The following MACF1 variants were observed in gnomAD, a reference collection of about 807,000 sequenced individuals.
MACF1 encodes microtubule actin crosslinking factor 1, also known as microtubule-actin cross-linking factor 1.
Under a neutral mutation model 854.8 loss-of-function variants are expected in MACF1, and 193 were observed. The observed-to-expected ratio is 0.23, with a 90% CI of 0.20 to 0.25. The LOEUF is 0.25. Among genes scored for constraint, MACF1 ranks in the 10% least tolerant of loss-of-function variants. MACF1 has a pLI of 1.00. For missense variants in MACF1, 7,722 were observed against 8,929.1 expected, an observed-to-expected ratio of 0.86 and a Z score of 5.45; for synonymous variants, 3,185 against 3,226.7, an observed-to-expected ratio of 0.99 and a Z score of 0.44.
At chr1:39,336,862 T>C (rs1646819325) in intron 37 of MACF1, among the ~76,000 whole-genome samples, 2 of 152,214 alleles carry the variant, frequency 1.3e-5, no homozygotes, top group Non-Finnish European at 2.9e-5. Context: ...TGAATGTCTT[T>C]CTGAAATCTG....
chr1:39,191,006 CAAAA>C (rs901563193), intron 2 of MACF1, among the ~76,000 whole-genome samples: 1 of 151,686 alleles, frequency 6.6e-6, no homozygotes. Context: ...AACAAACAAA[CAAAA>C]AAACCCCAAA....
In MACF1 at chr1:39,322,977, G is replaced by C; in HGVS notation, c.4205G>C (p.Ser1402Thr). ...TLTTQHVKYI[S>T]DALRRLEEEE... ...ACAACTCAGCACGTGAAATACATCAGTGATGCACTCCGGCGTCTGGAGGAG... is the reference window on the plus strand; with the variant it reads ...ACAACTCAGCACGTGAAATACATCACTGATGCACTCCGGCGTCTGGAGGAG... Residue 1402 changes from serine to threonine, a missense_variant, in exon 33 of 101, where the codon AGT becomes ACT. Physicochemically the swap from Ser to Thr is moderately conservative, Grantham distance 58 (BLOSUM62 1). Transcript: ENST00000564288. 2 of 1,614,126 alleles carry C rather than the reference G, an allele frequency of 1.2e-6. No individual in the cohort carries two copies. Among genetic ancestry groups the C allele is most frequent in the Non-Finnish European group, 1.7e-6 (2 of 1,179,974 alleles).
chr1:39,328,768 G>A (rs1169912358), intron 36 of MACF1: 1 of 152,126 alleles, frequency 6.6e-6, no homozygotes, highest in Non-Finnish European at 1.5e-5. Context: ...TGCTTGTTTA[G>A]GTCAGAATGT....
chr1:39,296,037 G>T (rs1241219665), intron 20 of MACF1, among the ~76,000 whole-genome samples, 155 bp downstream of exon 20: 1 of 152,228 alleles, frequency 6.6e-6, no homozygotes, highest in African/African-American at 2.4e-5. Context: ...TCATGATTCA[G>T]TAGGTGAGCA....
rs1650271365 is a variant in MACF1 at position 39,382,035 on chromosome 1, C to T, written c.13731C>T (p.Phe4577=). The change falls in exon 56 of 101, where the codon TTC becomes TTT. Residue 4577 remains phenylalanine (F), a synonymous_variant. Coordinates refer to ENST00000564288, the MANE Select transcript of MACF1 (RefSeq NM_001394062.1). ...AATCTGCAAGTCATCTGGCCTGCTT[C>T]CAGGCTGCAGAATCCCAGCTCCGGC... ...LEESASHLAC[F]QAAESQLRPW... 6.2e-7 allele frequency: 1 copy of T among 1,614,176 alleles called. No homozygotes were observed. The highest frequency in any genetic ancestry group is 8.5e-7 in the Non-Finnish European group (1 of 1,180,024).
chr1:39,249,340 C>T (rs939201319), intron 2 of MACF1, among the ~76,000 whole-genome samples: 20 of 152,094 alleles, frequency 1.3e-4, no homozygotes, highest in African/African-American at 4.8e-4. Context: ...CCTCTTTGTG[C>T]CTTATTTCCT....
chr1:39,087,979 T>G (rs191206993), intron 2 of MACF1, among the ~76,000 whole-genome samples: 1 of 151,750 alleles, frequency 6.6e-6, no homozygotes, highest in Admixed American at 6.6e-5. Context: ...CTTTTTTTTT[T>G]TGGAGATGGA....
chr1:39,092,209 C>T (rs1641825602), intron 2 of MACF1, among the ~76,000 whole-genome samples: 3 of 152,044 alleles, frequency 2.0e-5, no homozygotes, highest in South Asian at 2.1e-4. Flanking sequence ...CTTTGGCTTT[C>T]GTAGGAAGGA....
At chr1:39,142,775 A>G (rs563553591) in intron 2 of MACF1, among the ~76,000 whole-genome samples, 5 of 152,226 alleles carry the variant, frequency 3.3e-5, no homozygotes, top group Non-Finnish European at 5.9e-5. Context: ...TGCTTTCCCA[A>G]CCTGCTGAGT....
At chr1:39,250,733 C>T (rs1045785124) in intron 3 of MACF1, among the ~76,000 whole-genome samples, 2 of 152,164 alleles carry the variant, frequency 1.3e-5, no homozygotes, top group Non-Finnish European at 2.9e-5. Flanking sequence ...AATGTTCTAA[C>T]ATTGATTATG....
chr1:39,207,267 TTTC>T, intron 1 of MACF1, among the ~76,000 whole-genome samples: 3 of 151,700 alleles, frequency 2.0e-5, no homozygotes, highest in African/African-American at 7.3e-5. Context: ...TTTTTCTTTC[TTTC>T]TTTCTTTCTT....
At chr1:39,314,575 A>T (rs1312915633) in intron 26 of MACF1, among the ~76,000 whole-genome samples, 32 of 136,544 alleles carry the variant, frequency 2.3e-4, no homozygotes, top group South Asian at 1.9e-3. Context: ...TCTCTCACAC[A>T]CACACACACA....
chr1:39,293,761 T>C (rs1362982893), intron 18 of MACF1, 142 bp downstream of exon 18: 2 of 659,002 alleles, frequency 3.0e-6, no homozygotes, highest in Non-Finnish European at 5.0e-6. Context: ...CATCCATGCA[T>C]GTGAGAAGTG....
Position 39,161,545 on chromosome 1 carries a change from C to G in MACF1, c.221-69637C>G, listed in dbSNP as rs527926347. On this transcript the variant is annotated intron_variant, in intron 2 of 93. Transcript: ENST00000361689. ...AGTAGCAAAACCCTGTCTCTAAAAA[C>G]AAGCAAACAAACAAAAAAACAATAC... Among the ~76,000 whole-genome samples, 198 of 151,986 alleles carry G rather than the reference C, an allele frequency of 1.3e-3. 2 individuals carry two copies. The highest frequency in any genetic ancestry group is 4.6e-3 in the African/African-American group (191 of 41,454).
At chr1:39,296,831 G>GAAGGAAGA (rs1553228119) in intron 20 of MACF1, among the ~76,000 whole-genome samples, 2 of 124,690 alleles carry the variant, frequency 1.6e-5, no homozygotes, top group African/African-American at 5.7e-5. Context: ...AGGAAGGAAG[G>GAAGGAAGA]AAGGAAGGAA....
intron 4 of MACF1, among the ~76,000 whole-genome samples, chr1:39,252,838 A>T (rs2490949): frequency 0.96 from 146,902 of 152,310 alleles, 71,005 homozygotes; most frequent in East Asian, 1. Flanking sequence ...CATCTCTGTG[A>T]ACAGATTCTC....
At chr1:39,473,860 CAT>C (rs753022978) in intron 97 of MACF1, among the ~76,000 whole-genome samples, 30 of 152,196 alleles carry the variant, frequency 2.0e-4, no homozygotes, top group Non-Finnish European at 3.5e-4. Context: ...AGGGAACAAA[CAT>C]GTGAATACAT....
At chr1:39,286,059 G>C (rs1019835417) in intron 14 of MACF1, among the ~76,000 whole-genome samples, 2 of 152,144 alleles carry the variant, frequency 1.3e-5, no homozygotes, top group African/African-American at 2.4e-5. Flanking sequence ...CGTTGCCCAG[G>C]CTGGAGTGCA....
chr1:39,160,051 G>A (rs978148787), intron 2 of MACF1, among the ~76,000 whole-genome samples: 2 of 152,000 alleles, frequency 1.3e-5, no homozygotes, highest in Non-Finnish European at 2.9e-5. Context: ...ATGGTGGCTC[G>A]CACTCGTAAT....
Sources: allele counts gnomAD v4.1 joint callset (sites outside exome capture counted in the v4.1 genomes callset), GRCh38; gene constraint gnomAD v4.1.1; transcripts MANE v1.5; gene names NCBI Gene and HGNC (gene_info 2026-07-23, HGNC 2026-07-21).